FAM13C: variants seen among roughly 807,000 people sequenced by gnomAD.
FAM13C encodes the protein family with sequence similarity 13 member C.
A neutral mutation model predicts 73.2 loss-of-function variants in FAM13C; 37 were observed. That is an observed-to-expected ratio of 0.51 (90% CI 0.39 to 0.67). The LOEUF is 0.67. FAM13C is among the 30% of genes least tolerant of loss of function. The probability of loss-of-function intolerance (pLI) is 0.00; values close to 1 mark genes in which losing one functional copy is unlikely to be tolerated. For missense variants in FAM13C, 589 were observed against 715.6 expected (o/e 0.82, Z 2.02); for synonymous variants, 246 against 260.9 (o/e 0.94, Z 0.55).
chr10:59,282,070 T>C (rs1191598660), intron 6 of FAM13C: 1 of 152,202 alleles, frequency 6.6e-6, no homozygotes, highest in Non-Finnish European at 1.5e-5. Context: ...CCAAACATAA[T>C]GGCCAACAGA....
intron 4 of FAM13C, among the ~76,000 whole-genome samples, chr10:59,310,724 C>G (rs368413356): frequency 1.3e-5 from 2 of 152,188 alleles, no homozygotes; most frequent in Non-Finnish European, 2.9e-5. Context: ...CAGCTAGAAA[C>G]AGAACACTGA....
At chr10:59,361,212 G>T in intron 1 of FAM13C, 18 of 592,444 alleles carry the variant, frequency 3.0e-5, no homozygotes, top group East Asian at 8.4e-5. Context: ...AGTCAATCCT[G>T]TTTTTTTTTT....
At chr10:59,357,206 C>G (rs956438978) in intron 1 of FAM13C, among the ~76,000 whole-genome samples, 1 of 152,144 alleles carries the variant, frequency 6.6e-6, no homozygotes, top group African/African-American at 2.4e-5. Context: ...TACATATATC[C>G]TATTAATTCT....
chr10:59,327,880 C>G (rs1851394803), intron 3 of FAM13C, among the ~76,000 whole-genome samples: 1 of 152,154 alleles, frequency 6.6e-6, no homozygotes, highest in Non-Finnish European at 1.5e-5. Flanking sequence ...CAGATTCTAA[C>G]TTTTTACTTC....
Position 59,247,433 on chromosome 10 carries a change from C to T in FAM13C, c.*181G>A. 1.5e-6 allele frequency: 1 copy of T among 672,008 alleles called. No homozygotes were observed. The highest frequency in any genetic ancestry group is 2.5e-6 in the Non-Finnish European group (1 of 408,136). 41.6% of individuals were successfully genotyped at this position (672,008 alleles called of 1,614,324 possible). On this transcript the variant is annotated 3_prime_UTR_variant, in exon 14 of 14. Coordinates refer to ENST00000618804, the MANE Select transcript of FAM13C (RefSeq NM_198215.4). Reference sequence around the variant, plus strand: ...ATATGGCTACCTGTTGTATTCTTCCCCCCGTTTAAATCCCTTCTCCTTGTA... The same window carrying T: ...ATATGGCTACCTGTTGTATTCTTCCTCCCGTTTAAATCCCTTCTCCTTGTA...
chr10:59,362,576 C>T (rs749549105), upstream of FAM13C: 1 of 1,538,690 alleles, frequency 6.5e-7, no homozygotes, highest in East Asian at 2.4e-5. Context: ...CTCGCTCTAC[C>T]TTGGGCTGCT....
intron 3 of FAM13C, among the ~76,000 whole-genome samples, chr10:59,343,115 G>A (rs1853731315): frequency 1.3e-5 from 2 of 152,152 alleles, no homozygotes; most frequent in Non-Finnish European, 1.5e-5. Flanking sequence ...ATCTTATAGC[G>A]AGAGCAAGAC....
In FAM13C at chr10:59,283,582, G is replaced by A. The variant is rs762548000; in HGVS notation, c.508-135C>T. On this transcript the variant is annotated intron_variant, in intron 5 of 13. Coordinates refer to ENST00000618804, the MANE Select transcript of FAM13C (RefSeq NM_198215.4). ...ACACAACAGTGTGTCCGCAGCTCCC[G>A]CAAGCACCTTCCTCCACTGCCTGGC... 3.8e-5 allele frequency: 32 copies of A among 836,696 alleles called. No homozygotes were observed. In the Admixed American group the frequency reaches 3.8e-4, roughly 10 times the overall value. 51.8% of individuals were successfully genotyped at this position (836,696 alleles called of 1,614,324 possible).
intron 10 of FAM13C, among the ~76,000 whole-genome samples, chr10:59,259,853 T>C (rs993332856): frequency 6.6e-6 from 1 of 152,200 alleles, no homozygotes; most frequent in African/African-American, 2.4e-5. Context: ...TGACCAACCA[T>C]CCCAGTTTGC....
chr10:59,255,540 C>T (rs569131651), intron 10 of FAM13C, among the ~76,000 whole-genome samples: 1 of 152,168 alleles, frequency 6.6e-6, no homozygotes, highest in East Asian at 1.9e-4. Context: ...GTACACATAA[C>T]CTCCCTTTTA....
chr10:59,338,871 A>G (rs1003788890), intron 3 of FAM13C, among the ~76,000 whole-genome samples: 3 of 152,158 alleles, frequency 2.0e-5, no homozygotes, highest in African/African-American at 4.8e-5. Context: ...CCCTTCTTGT[A>G]TTAGTTTCCT....
rs1173081986 is a variant in FAM13C, at chr10:59,352,584, C to A, written c.120-110G>T. The A allele has an allele frequency of 2.5e-6, 3 of 1,217,750 alleles. No homozygotes were observed. The African/African-American group carries it at 4.6e-5, about 19-fold the overall frequency. 75.4% of individuals were successfully genotyped at this position (1,217,750 alleles called of 1,614,324 possible). ...TGCTGCTATATTTATAGGATAGACA[C>A]CTCGCAAAATTTTTAGCCTACACTT... On this transcript the variant is annotated intron_variant, in intron 2 of 13. Transcript: ENST00000618804.
intron 4 of FAM13C, among the ~76,000 whole-genome samples, chr10:59,318,175 T>C (rs1174283814): frequency 6.7e-6 from 1 of 150,264 alleles, no homozygotes; most frequent in African/African-American, 2.5e-5. Flanking sequence ...TAGTAGCATT[T>C]TGAATGAGAG....
At chr10:59,302,740 G>C in intron 5 of FAM13C, 61 bp downstream of exon 5, 3 of 1,483,232 alleles carry the variant, frequency 2.0e-6, no homozygotes, top group East Asian at 2.3e-5. Context: ...CTGTGAAAAA[G>C]AATAGTAAAT....
intron 1 of FAM13C, among the ~76,000 whole-genome samples, chr10:59,356,917 C>G (rs528320366): frequency 2.6e-5 from 4 of 152,284 alleles, no homozygotes; most frequent in Admixed American, 6.5e-5. Context: ...ACTTGCTGAG[C>G]CATCTGGCCT....
At chr10:59,248,998 C>CCTT (rs1024466272) in intron 13 of FAM13C, among the ~76,000 whole-genome samples, 2 of 152,066 alleles carry the variant, frequency 1.3e-5, no homozygotes, top group Non-Finnish European at 2.9e-5. Context: ...CTGAATACCA[C>CCTT]CTTAATTTGT....
At chr10:59,330,043 A>C (rs1200535847) in intron 3 of FAM13C, among the ~76,000 whole-genome samples, 1 of 152,204 alleles carries the variant, frequency 6.6e-6, no homozygotes, top group African/African-American at 2.4e-5. Context: ...GAGTATTTCC[A>C]TTCACCAGCT....
intron 11 of FAM13C, among the ~76,000 whole-genome samples, 179 bp from the exon 12 acceptor site, chr10:59,253,177 C>T (rs1413151440): frequency 6.6e-6 from 1 of 152,190 alleles, no homozygotes; most frequent in Admixed American, 6.5e-5. Context: ...TCATTAAAAA[C>T]CTACAGAAGT....
At chr10:59,302,535 A>G (rs1310564064) in intron 5 of FAM13C, among the ~76,000 whole-genome samples, 1 of 152,228 alleles carries the variant, frequency 6.6e-6, no homozygotes, top group Non-Finnish European at 1.5e-5. Context: ...CCTGAAGCAA[A>G]GCTGAAAAGA....
Sources: gnomAD v4.1 joint callset for allele counts (sites outside exome capture counted in the v4.1 genomes callset) on GRCh38, gnomAD v4.1.1 for gene constraint, MANE v1.5 for transcripts, NCBI Gene and HGNC (gene_info 2026-07-23, HGNC 2026-07-21) for gene names.